SRP54: variants seen among roughly 807,000 people sequenced by gnomAD.
The protein encoded by SRP54 is signal recognition particle 54, also known as signal recognition particle subunit SRP54.
SRP54 carries 10 observed loss-of-function variants against 64.8 expected under a neutral mutation model. The observed-to-expected ratio is 0.15, with a 90% CI of 0.10 to 0.26. SRP54 has a LOEUF of 0.26. Among genes scored for constraint, SRP54 ranks in the 10% least tolerant of loss-of-function variants. The pLI is 1.00. For missense variants in SRP54, 325 were observed against 613.7 expected, an observed-to-expected ratio of 0.53 and a Z score of 4.97; for synonymous variants, 193 against 185.6, an observed-to-expected ratio of 1.04 and a Z score of -0.32.
intron 2 of SRP54, 36 bp downstream of exon 2, chr14:34,996,823 A>C: frequency 7.1e-7 from 1 of 1,403,114 alleles, no homozygotes; most frequent in East Asian, 2.3e-5. Context: ...ATATGATTGT[A>C]TATTGTCACT....
In SRP54 at chr14:34,998,189, AGG is replaced by A. The variant is rs2044100123; in HGVS notation, c.79-1367_79-1366del. On this transcript the variant is annotated intron_variant, in intron 2 of 15. Transcript: ENST00000216774. ...AGAGAGAACATTCAAGAAATATTTG[AGG>A]GCCTATGTTTTTGCAGACATTTTTG... Among the ~76,000 whole-genome samples the A allele has an allele frequency of 2.0e-5, 3 of 152,282 alleles. No individual in the cohort carries two copies. The South Asian group carries it at 6.2e-4, about 32-fold the overall frequency.
chr14:34,999,740 A>G, intron 3 of SRP54, 91 bp downstream of exon 3: 1 of 925,086 alleles, frequency 1.1e-6, no homozygotes, highest in Non-Finnish European at 1.7e-6. Context: ...TGTATCAGGA[A>G]TCATTTCTGC....
At chr14:35,012,408 A>G (rs2044369791) in intron 8 of SRP54, among the ~76,000 whole-genome samples, 1 of 152,122 alleles carries the variant, frequency 6.6e-6, no homozygotes, top group Non-Finnish European at 1.5e-5. Context: ...TGCAGCATAT[A>G]TTATTAGGAA....
At chr14:35,010,099 G>C (rs975352737) in intron 7 of SRP54, among the ~76,000 whole-genome samples, 1 of 151,910 alleles carries the variant, frequency 6.6e-6, no homozygotes, top group African/African-American at 2.4e-5. Context: ...ATTGAGCCGA[G>C]ATCGTGCCAC....
At chr14:35,016,448 C>G (rs566350640) in intron 11 of SRP54, among the ~76,000 whole-genome samples, 1 of 152,270 alleles carries the variant, frequency 6.6e-6, no homozygotes, top group South Asian at 2.1e-4. Flanking sequence ...ACATTCCTGT[C>G]TCTCACATCT....
chr14:34,984,908 CTTTTT>C (rs34789836), intron 1 of SRP54, among the ~76,000 whole-genome samples: 1 of 141,518 alleles, frequency 7.1e-6, no homozygotes. Context: ...CTTCACCTTC[CTTTTT>C]TTTTTTTTTT....
At chr14:35,007,573 TA>T (rs916916104) in intron 5 of SRP54, among the ~76,000 whole-genome samples, 186 bp downstream of exon 5, 74 of 147,066 alleles carry the variant, frequency 5.0e-4, no homozygotes, top group African/African-American at 1.7e-3. Flanking sequence ...TATATTTACA[TA>T]AAATATATTT....
intron 1 of SRP54, among the ~76,000 whole-genome samples, chr14:34,989,740 C>T (rs1035043884): frequency 1.3e-5 from 2 of 151,956 alleles, no homozygotes; most frequent in Non-Finnish European, 2.9e-5. Flanking sequence ...AAATTTCCAG[C>T]TTACTTACAC....
At chr14:35,007,050 A>C (rs1030923704) in intron 4 of SRP54, among the ~76,000 whole-genome samples, 1 of 152,058 alleles carries the variant, frequency 6.6e-6, no homozygotes, top group African/African-American at 2.4e-5. Flanking sequence ...TTAGTTAACT[A>C]GGTGTGGTGG....
intron 1 of SRP54, among the ~76,000 whole-genome samples, chr14:34,984,974 C>T (rs1010983502): frequency 6.7e-6 from 1 of 148,558 alleles, no homozygotes; most frequent in African/African-American, 2.5e-5. Context: ...CAGTGATTGT[C>T]AGTGCGTTTT....
Position 35,013,783 on chromosome 14 carries a change from A to G in SRP54, c.786-19A>G. 1 of 1,589,136 alleles carries G rather than the reference A, an allele frequency of 6.3e-7. No homozygotes were observed. The stretch of plus-strand genomic sequence containing the variant: ...TGGGGTTCTTTTGAGGTTATTTTAT[A>G]TTTTCTTTTTTTTTCCAGAGTCGCT... On this transcript the variant is annotated intron_variant, in intron 9 of 15. Coordinates refer to ENST00000216774, the MANE Select transcript of SRP54 (RefSeq NM_003136.4).
At chr14:34,986,022 G>A (rs1331265568) in intron 1 of SRP54, among the ~76,000 whole-genome samples, 1 of 151,598 alleles carries the variant, frequency 6.6e-6, no homozygotes, top group Non-Finnish European at 1.5e-5. Context: ...TTTCTTCTTG[G>A]TAGCATTTTA....
chr14:35,021,378 C>T (rs761786565), intron 13 of SRP54, among the ~76,000 whole-genome samples: 1 of 152,114 alleles, frequency 6.6e-6, no homozygotes, highest in Non-Finnish European at 1.5e-5. Flanking sequence ...AACTGTAATC[C>T]CAGCATTTTG....
chr14:34,998,091 G>C (rs982284759), intron 2 of SRP54, among the ~76,000 whole-genome samples: 1 of 152,046 alleles, frequency 6.6e-6, no homozygotes, highest in African/African-American at 2.4e-5. Context: ...TCGAATTTTA[G>C]CAGACCCGTT....
intron 5 of SRP54, among the ~76,000 whole-genome samples, chr14:35,007,630 ATATT>A (rs2044282304): frequency 9.1e-6 from 1 of 110,014 alleles, no homozygotes; most frequent in Non-Finnish European, 2.0e-5. Context: ...TTATTAAAAT[ATATT>A]TATATTATAA....
At chr14:35,022,181 A>G (rs1442635057) in intron 13 of SRP54, among the ~76,000 whole-genome samples, 1 of 152,056 alleles carries the variant, frequency 6.6e-6, no homozygotes, top group Non-Finnish European at 1.5e-5. Context: ...AATATACCAT[A>G]TACCTCTGAT....
chr14:34,990,169 G>A lies in SRP54; in HGVS notation c.-33-6508G>A, dbSNP rs533240042. On this transcript the variant is annotated intron_variant, in intron 1 of 15. Coordinates refer to ENST00000216774, the MANE Select transcript of SRP54 (RefSeq NM_003136.4). Reference sequence around the variant, plus strand: ...CCCCAGTTAGAAGACCCTGTGACTCGAGCCAGGATCAGTCCTTGTATGTAC... The same window carrying A: ...CCCCAGTTAGAAGACCCTGTGACTCAAGCCAGGATCAGTCCTTGTATGTAC... Among the ~76,000 whole-genome samples the A allele has an allele frequency of 4.6e-5, 7 of 152,270 alleles. No individual in the cohort carries two copies. The South Asian group carries it at 6.2e-4, about 14-fold the overall frequency.
At chr14:35,018,377 A>G (rs987466278) in intron 11 of SRP54, among the ~76,000 whole-genome samples, 3 of 152,062 alleles carry the variant, frequency 2.0e-5, no homozygotes, top group African/African-American at 7.2e-5. Flanking sequence ...AACTTTTGAT[A>G]TTGTCAACCT....
intron 4 of SRP54, among the ~76,000 whole-genome samples, chr14:35,001,491 TTC>T (rs1354652984): frequency 6.6e-6 from 1 of 152,088 alleles, no homozygotes; most frequent in African/African-American, 2.4e-5. Context: ...ATATACATAA[TTC>T]TGAGTGCAGA....
Sources: gnomAD v4.1 joint callset for allele counts (sites outside exome capture counted in the v4.1 genomes callset) on GRCh38, gnomAD v4.1.1 for gene constraint, MANE v1.5 for transcripts, NCBI Gene and HGNC (gene_info 2026-07-23, HGNC 2026-07-21) for gene names.